Variants in EDIL3 observed in about 807,000 individuals in gnomAD.
EDIL3 encodes EGF-like repeat and discoidin I-like domain-containing protein 3.
EDIL3 carries 37 observed loss-of-function variants against 67.4 expected under a neutral mutation model. The ratio of observed to expected loss-of-function variants is 0.55; its 90% CI spans 0.42 to 0.72. The LOEUF is 0.72. EDIL3 is among the 30% of genes least tolerant of loss of function. The pLI is 0.00. For synonymous variants in EDIL3, 195 were observed against 196.3 expected (o/e 0.99, Z 0.05); for missense variants, 527 against 586.3 (o/e 0.90, Z 1.04).
chr5:84,132,527 AT>A (rs1561440853), intron 5 of EDIL3, among the ~76,000 whole-genome samples: 1 of 97,920 alleles, frequency 1.0e-5, no homozygotes, highest in African/African-American at 4.2e-5. Flanking sequence ...TTTAATATAT[AT>A]TATATATTTT....
intron 6 of EDIL3, among the ~76,000 whole-genome samples, chr5:84,076,673 C>T (rs1007446716): frequency 6.6e-6 from 1 of 152,156 alleles, no homozygotes; most frequent in African/African-American, 2.4e-5. Flanking sequence ...TTGATAGTTA[C>T]AAGTTTTCCA....
At chr5:84,016,747 A>C (rs1052901178) in intron 9 of EDIL3, among the ~76,000 whole-genome samples, 4 of 152,230 alleles carry the variant, frequency 2.6e-5, no homozygotes, top group Non-Finnish European at 4.4e-5. Flanking sequence ...CAATACATAT[A>C]TATGTAAACA....
intron 9 of EDIL3, among the ~76,000 whole-genome samples, chr5:84,037,819 T>G (rs1464865577): frequency 6.6e-6 from 1 of 152,082 alleles, no homozygotes; most frequent in African/African-American, 2.4e-5. Flanking sequence ...GGATAGACTT[T>G]TCTAAAACAA....
chr5:84,069,519 GA>G (rs1409506328), intron 6 of EDIL3, among the ~76,000 whole-genome samples: 2 of 152,008 alleles, frequency 1.3e-5, no homozygotes, highest in Non-Finnish European at 2.9e-5. Context: ...CTGCCACCTA[GA>G]AAGCACTTAG....
At chr5:84,073,006 A>G (rs1320726948) in intron 6 of EDIL3, among the ~76,000 whole-genome samples, 1 of 152,178 alleles carries the variant, frequency 6.6e-6, no homozygotes, top group African/African-American at 2.4e-5. Flanking sequence ...GAAGGTGACA[A>G]TCTGGGAGAA....
chr5:84,073,749 T>C (rs1746791719), intron 6 of EDIL3, among the ~76,000 whole-genome samples: 2 of 152,020 alleles, frequency 1.3e-5, no homozygotes, highest in Non-Finnish European at 2.9e-5. Flanking sequence ...GAAGAATCAA[T>C]ATCGTGAAAA....
At chr5:84,321,374 T>C (rs1746645324) in intron 1 of EDIL3, among the ~76,000 whole-genome samples, 1 of 152,102 alleles carries the variant, frequency 6.6e-6, no homozygotes, top group Non-Finnish European at 1.5e-5. Context: ...TTGTTGCCAT[T>C]AAAACGTTAG....
chr5:84,099,562 T>TA (rs1747325103), intron 6 of EDIL3, among the ~76,000 whole-genome samples: 5 of 151,884 alleles, frequency 3.3e-5, no homozygotes, highest in Admixed American at 3.3e-4. Context: ...CCTTACACCT[T>TA]ATAAAAAAAT....
intron 1 of EDIL3, among the ~76,000 whole-genome samples, chr5:84,304,297 A>C (rs895852978): frequency 6.6e-6 from 1 of 152,226 alleles, no homozygotes; most frequent in Admixed American, 6.5e-5. Flanking sequence ...ATGTGAATAG[A>C]CTGACAGGAA....
chr5:83,983,401 T>C (rs1043207642), intron 9 of EDIL3, among the ~76,000 whole-genome samples: 1 of 152,060 alleles, frequency 6.6e-6, no homozygotes, highest in Admixed American at 6.6e-5. Flanking sequence ...GGAACAGAAG[T>C]TGAAGTTTGT....
intron 5 of EDIL3, among the ~76,000 whole-genome samples, chr5:84,114,143 C>A (rs940385692): frequency 1.2e-4 from 18 of 147,386 alleles, no homozygotes; most frequent in African/African-American, 4.6e-4. Context: ...TAAAGGAACC[C>A]TAAAGTTTTT....
chr5:84,355,923 G>C (rs1365116752), intron 1 of EDIL3, among the ~76,000 whole-genome samples: 2 of 152,202 alleles, frequency 1.3e-5, no homozygotes, highest in Non-Finnish European at 2.9e-5. Context: ...CCAGGGAGAT[G>C]GGAGTTTTAA....
intron 1 of EDIL3, among the ~76,000 whole-genome samples, chr5:84,365,879 C>A (rs960816393): frequency 6.6e-6 from 1 of 152,052 alleles, no homozygotes; most frequent in Non-Finnish European, 1.5e-5. Flanking sequence ...TGGGTTATTT[C>A]TTTTAATCTC....
At chr5:84,079,079 C>T (rs74408100) in intron 6 of EDIL3, among the ~76,000 whole-genome samples, 3,134 of 152,196 alleles carry the variant, frequency 0.021, 67 homozygotes, top group East Asian at 0.065. Context: ...TCTATAAAAC[C>T]TCCAAAGAAC....
At chr5:84,281,118 C>T (rs1268894491) in intron 1 of EDIL3, among the ~76,000 whole-genome samples, 2 of 151,978 alleles carry the variant, frequency 1.3e-5, no homozygotes, top group Non-Finnish European at 2.9e-5. Context: ...ATTCCATGAC[C>T]TATTTAAGGA....
At position 84,042,404 on chromosome 5, in the gene EDIL3, C is replaced by A. The variant is rs1002375131; in HGVS notation, c.1137+17896G>T. Among the ~76,000 whole-genome samples, 5 of 152,088 alleles carry A rather than the reference C, an allele frequency of 3.3e-5. 2 individuals carry two copies. Among genetic ancestry groups the A allele is most frequent in the Admixed American group, 3.3e-4 (5 of 15,272 alleles). On this transcript the variant is annotated intron_variant, in intron 9 of 10. Coordinates refer to ENST00000296591, the MANE Select transcript of EDIL3 (RefSeq NM_005711.5). ...TCAAGTGATTCTCCTGCCTCAGCCC[C>A]CCGAGTAGTTGAGATTACAGGTGCC... is the stretch of plus-strand genomic sequence containing the variant.
intron 3 of EDIL3, among the ~76,000 whole-genome samples, chr5:84,185,180 C>G (rs991421652): frequency 7.2e-5 from 11 of 152,122 alleles, no homozygotes; most frequent in African/African-American, 1.9e-4. Context: ...AGTCTATGCC[C>G]TTTCCATTAA....
At chr5:84,239,698 G>T (rs1273153502) in intron 2 of EDIL3, among the ~76,000 whole-genome samples, 1 of 152,126 alleles carries the variant, frequency 6.6e-6, no homozygotes, top group Non-Finnish European at 1.5e-5. Flanking sequence ...AATATAACTG[G>T]CATGCAAACA....
At chr5:84,169,408 T>C (rs750572083) in intron 4 of EDIL3, among the ~76,000 whole-genome samples, 2 of 152,104 alleles carry the variant, frequency 1.3e-5, no homozygotes, top group African/African-American at 2.4e-5. Context: ...GTTTTACTTA[T>C]ATTGATATGT....
Sources: gnomAD v4.1 joint callset for allele counts (sites outside exome capture counted in the v4.1 genomes callset) on GRCh38, gnomAD v4.1.1 for gene constraint, MANE v1.5 for transcripts, NCBI Gene and HGNC (gene_info 2026-07-23, HGNC 2026-07-21) for gene names.